Variants in ACMSD observed in about 807,000 individuals in gnomAD.
The protein encoded by ACMSD is aminocarboxymuconate semialdehyde decarboxylase, also known as 2-amino-3-carboxymuconate-6-semialdehyde decarboxylase.
In ACMSD, 37 loss-of-function variants were observed where a neutral mutation model predicts 45.9. That is an observed-to-expected ratio of 0.81 (90% confidence interval 0.62 to 1.06). The LOEUF is 1.06. Among genes scored for constraint, ACMSD ranks in the 50% least tolerant of loss-of-function variants. The pLI, the probability that ACMSD is intolerant of heterozygous loss-of-function variation, is 0.00. For synonymous variants in ACMSD, 138 were observed against 148.8 expected, an observed-to-expected ratio of 0.93 and a Z score of 0.53; for missense variants, 434 against 420.9, an observed-to-expected ratio of 1.03 and a Z score of -0.27.
Position 134,871,012 on chromosome 2 carries a change from G to GCAT in ACMSD, c.628_629insCAT (p.Gly210delinsAlaTer). On this transcript the variant is annotated stop_gained and protein_altering_variant, in exon 7 of 10. Coordinates refer to ENST00000356140, the MANE Select transcript of ACMSD (RefSeq NM_138326.3). LOFTEE classifies it high-confidence loss of function. Reference sequence around the variant, plus strand: ...AGCCATTTGCTCCATGATCATGGGTGGAGTATTTGAGAAGTTTCCCAAACT... The same window carrying GCAT: ...AGCCATTTGCTCCATGATCATGGGTGCATGAGTATTTGAGAAGTTTCCCAAACT... 6.2e-7 allele frequency: 1 copy of GCAT among 1,614,130 alleles called. No homozygotes were observed. The highest frequency in any genetic ancestry group is 1.7e-5 in the Admixed American group (1 of 60,006).
intron 2 of ACMSD, among the ~76,000 whole-genome samples, chr2:134,850,269 C>CT (rs774889131): frequency 0.012 from 1,275 of 110,524 alleles, 25 homozygotes; most frequent in African/African-American, 0.036. Context: ...AAATAGATTT[C>CT]TTTTTTTTTT....
intron 9 of ACMSD, among the ~76,000 whole-genome samples, chr2:134,901,565 C>T (rs1428915544): frequency 2.0e-5 from 3 of 152,114 alleles, no homozygotes; most frequent in Non-Finnish European, 4.4e-5. Context: ...CTAAGGAGGG[C>T]TCTCCCCTTT....
chr2:134,901,799 A>AT lies in ACMSD; in HGVS notation c.951dup (p.Lys318Ter). 1 of 1,599,344 alleles carries AT rather than the reference A, an allele frequency of 6.3e-7. No individual in the cohort carries two copies. The highest frequency in any genetic ancestry group is 8.5e-7 in the Non-Finnish European group (1 of 1,170,828). ...TAAAATATTTTCTTTTCTTTTCAGA[A>AT]TAAACTCAAAGCCGGCAATGCCCTG... On this transcript the variant is annotated frameshift_variant and splice_region_variant, in exon 10 of 10. Coordinates refer to ENST00000356140, the MANE Select transcript of ACMSD (RefSeq NM_138326.3). LOFTEE classifies it high-confidence loss of function.
chr2:134,897,778 T>C, intron 8 of ACMSD, among the ~76,000 whole-genome samples: 1 of 151,906 alleles, frequency 6.6e-6, no homozygotes. Flanking sequence ...AAATGGAAAT[T>C]CAAAGCTATA....
At chr2:134,847,602 G>A (rs559434277) in intron 2 of ACMSD, among the ~76,000 whole-genome samples, 2 of 152,068 alleles carry the variant, frequency 1.3e-5, no homozygotes, top group South Asian at 2.1e-4. Flanking sequence ...AATGCTATCC[G>A]TCCCCTAGAC....
intron 5 of ACMSD, among the ~76,000 whole-genome samples, chr2:134,864,910 T>C (rs991682127): frequency 3.9e-5 from 6 of 152,226 alleles, no homozygotes; most frequent in Non-Finnish European, 2.9e-5. Flanking sequence ...CCAAACCTTC[T>C]CATCTCAGTA....
chr2:134,872,915 C>G, intron 8 of ACMSD: 1 of 391,632 alleles, frequency 2.6e-6, no homozygotes, highest in East Asian at 4.4e-5. Context: ...AGATCAGCTC[C>G]TCTTCCTTAG....
intron 2 of ACMSD, among the ~76,000 whole-genome samples, chr2:134,858,308 A>G (rs1687674508): frequency 1.3e-5 from 2 of 152,186 alleles, no homozygotes; most frequent in Admixed American, 1.3e-4. Context: ...ACTTATATGT[A>G]GAATCTAAAA....
At chr2:134,873,326 C>T (rs1688559055) in intron 8 of ACMSD, 1 of 152,218 alleles carries the variant, frequency 6.6e-6, no homozygotes, top group South Asian at 2.1e-4. Context: ...CACACCCACC[C>T]TTTAAGTATT....
intron 3 of ACMSD, among the ~76,000 whole-genome samples, chr2:134,860,557 G>A (rs1433289665): frequency 4.6e-5 from 7 of 152,054 alleles, no homozygotes; most frequent in Non-Finnish European, 8.8e-5. Flanking sequence ...CCTAATCAAA[G>A]ACAAATTGTA....
At chr2:134,871,359 CT>C (rs777035035) in intron 7 of ACMSD, among the ~76,000 whole-genome samples, 1 of 152,066 alleles carries the variant, frequency 6.6e-6, no homozygotes, top group Non-Finnish European at 1.5e-5. Flanking sequence ...CTTAAAGGTC[CT>C]TTCTCCAAGC....
At chr2:134,838,825 T>C (rs1265104971) in intron 1 of ACMSD, 86 bp downstream of exon 1, 2 of 1,066,470 alleles carry the variant, frequency 1.9e-6, no homozygotes, top group East Asian at 2.4e-5. Context: ...ATTAGATGTC[T>C]AGTTTATCTG....
chr2:134,840,226 A>G (rs1238789126), intron 1 of ACMSD, among the ~76,000 whole-genome samples: 1 of 134,872 alleles, frequency 7.4e-6, no homozygotes, highest in Non-Finnish European at 1.5e-5. Flanking sequence ...TTTTTTCTCT[A>G]TTTGAGTATG....
chr2:134,894,797 T>G (rs1214586264), intron 8 of ACMSD, among the ~76,000 whole-genome samples: 1 of 152,012 alleles, frequency 6.6e-6, no homozygotes, highest in Non-Finnish European at 1.5e-5. Context: ...GGAAAAAAAT[T>G]TTCTCTACTT....
intron 6 of ACMSD, among the ~76,000 whole-genome samples, chr2:134,868,205 A>G (rs1688211699): frequency 6.6e-6 from 1 of 152,164 alleles, no homozygotes; most frequent in Non-Finnish European, 1.5e-5. Context: ...ATAAAAGATG[A>G]CCCAGGCTTG....
intron 8 of ACMSD, 126 bp downstream of exon 8, chr2:134,872,767 A>G: frequency 8.5e-7 from 1 of 1,171,910 alleles, no homozygotes; most frequent in Non-Finnish European, 1.2e-6. Context: ...AAGGAGAGAG[A>G]CAGTGAGGTT....
rs539980804 is a variant in ACMSD at position 134,868,279 on chromosome 2, G to A, written c.580+607G>A. On this transcript the variant is annotated intron_variant, in intron 6 of 9. Transcript: ENST00000356140. ...CCTCCTGCACTATCCATAGTTCCAC[G>A]AAAGGGTAGAGGAGAAAGCTCCATT... 1.1e-4 allele frequency among the ~76,000 whole-genome samples: 17 copies of A among 152,186 alleles called. No homozygotes were observed. The East Asian group carries it at 1.5e-3, about 14-fold the overall frequency.
At chr2:134,878,111 G>T (rs1385237409) in intron 8 of ACMSD, among the ~76,000 whole-genome samples, 2 of 152,112 alleles carry the variant, frequency 1.3e-5, no homozygotes, top group Non-Finnish European at 2.9e-5. Context: ...GAAGAACTGT[G>T]AACTGAACAG....
chr2:134,901,204 G>T (rs1006069932), intron 9 of ACMSD, among the ~76,000 whole-genome samples: 3 of 152,138 alleles, frequency 2.0e-5, no homozygotes, highest in South Asian at 2.1e-4. Flanking sequence ...ATCAGTTAGG[G>T]TATCACAAAG....
Sources: allele counts gnomAD v4.1 joint callset (sites outside exome capture counted in the v4.1 genomes callset), GRCh38; gene constraint gnomAD v4.1.1; transcripts MANE v1.5; gene names NCBI Gene and HGNC (gene_info 2026-07-23, HGNC 2026-07-21).